The following IFNLR1 variants were observed in gnomAD, a reference collection of about 807,000 sequenced individuals.
IFNLR1 encodes the protein CRF2-12.
IFNLR1 carries 28 observed loss-of-function variants against 52.5 expected under a neutral mutation model. That is an observed-to-expected ratio of 0.53 (90% CI 0.40 to 0.73). The LOEUF (loss-of-function observed/expected upper bound fraction) is 0.73, where lower values mean the gene tolerates loss of function less well. Ranked by LOEUF, IFNLR1 falls within the 30% of genes least tolerant of loss-of-function variation. The pLI is 0.00. For missense variants in IFNLR1, 623 were observed against 659.1 expected (o/e 0.95, Z 0.60); for synonymous variants, 276 against 274.9 (o/e 1.00, Z -0.04).
intron 4 of IFNLR1, among the ~76,000 whole-genome samples, chr1:24,160,278 G>A (rs531600489): frequency 3.9e-5 from 6 of 152,286 alleles, no homozygotes; most frequent in East Asian, 3.9e-4. Flanking sequence ...CTGGCCACGC[G>A]TGACTACTGA....
Position 24,159,738 on chromosome 1 carries a change from T to TTTTTTTTTTTTTGG in IFNLR1, c.511-106_511-105insCCAAAAAAAAAAAA, listed in dbSNP as rs1557642014. The TTTTTTTTTTTTTGG allele has an allele frequency of 3.1e-5, 18 of 581,546 alleles. No homozygotes were observed. In the Admixed American group the frequency reaches 5.7e-4, roughly 18 times the overall value. 36.0% of individuals were successfully genotyped at this position (581,546 alleles called of 1,614,324 possible). ...GACATGGTAGGGTGTTTTTTTTTTG[T>TTTTTTTTTTTTTGG]TTTTTTTTTTTGTTTTTTTGTAGGG... On this transcript the variant is annotated intron_variant, in intron 4 of 6. Coordinates refer to ENST00000327535, the MANE Select transcript of IFNLR1 (RefSeq NM_170743.4).
rs750809756 is a variant in IFNLR1 at position 24,187,277 on chromosome 1, G to T, written c.-29C>A. 8.0e-7 allele frequency: 1 copy of T among 1,257,350 alleles called. No individual in the cohort carries two copies. The highest frequency in any genetic ancestry group is 1.0e-6 in the Non-Finnish European group (1 of 997,944). The allele number at this position is 1,257,350 out of a possible 1,614,324, so 77.9% of individuals were successfully genotyped here. On this transcript the variant is annotated 5_prime_UTR_variant, in exon 1 of 7. Coordinates refer to ENST00000327535, the MANE Select transcript of IFNLR1 (RefSeq NM_170743.4). The stretch of plus-strand genomic sequence containing the variant: ...CTTCCTGCCGCGGCGTCCCCGCCCG[G>T]GCCCAGGTCCCCGCCTCCCGCCTCC...
At chr1:24,180,899 T>C (rs1246544586) in intron 1 of IFNLR1, 45 bp from the exon 2 acceptor site, 9 of 1,596,690 alleles carry the variant, frequency 5.6e-6, no homozygotes, top group Admixed American at 3.4e-5. Context: ...TCCTGGCTGG[T>C]CTTGACTCAG....
chr1:24,160,539 G>A (rs932084875), intron 4 of IFNLR1, among the ~76,000 whole-genome samples: 3 of 152,002 alleles, frequency 2.0e-5, no homozygotes, highest in Non-Finnish European at 4.4e-5. Flanking sequence ...CTTTCTATTG[G>A]GCAGTGCTGG....
chr1:24,162,220 TG>T (rs1644452001), intron 3 of IFNLR1, among the ~76,000 whole-genome samples: 1 of 152,220 alleles, frequency 6.6e-6, no homozygotes, highest in Non-Finnish European at 1.5e-5. Context: ...TCTTTGTGGC[TG>T]TAGGGCTGTG....
At chr1:24,180,885 G>A (rs1644683942) in intron 1 of IFNLR1, 31 bp from the exon 2 acceptor site, 1 of 1,606,824 alleles carries the variant, frequency 6.2e-7, no homozygotes, top group South Asian at 1.1e-5. Flanking sequence ...ATGAAGCCTG[G>A]AGCTCCTGGC....
In IFNLR1 at chr1:24,157,703, A is replaced by G. The variant is rs1451283853; in HGVS notation, c.990T>C (p.Asp330=). ...KDLAEDEEEE[D]EEDTEDGVSF... The stretch of plus-strand genomic sequence containing the variant: ...TGACGCCATCTTCTGTGTCCTCCTC[A>G]TCCTCCTCCTCTTCGTCCTCTGCAA... The change falls in exon 7 of 7, where the codon GAT becomes GAC. Residue 330 remains aspartate, a synonymous_variant. Transcript: ENST00000327535. The surrounding 1 kb of genome is among the most constrained non-coding windows in gnomAD (Gnocchi z 5.1). The G allele has an allele frequency of 1.9e-6, 3 of 1,613,890 alleles. No individual in the cohort carries two copies. Among genetic ancestry groups the G allele is most frequent in the Non-Finnish European group, 2.5e-6 (3 of 1,179,930 alleles).
At chr1:24,161,216 C>T (rs1443295409) in intron 4 of IFNLR1, among the ~76,000 whole-genome samples, 1 of 152,228 alleles carries the variant, frequency 6.6e-6, no homozygotes. Context: ...CAGCTATACA[C>T]ACATGCATAC....
At chr1:24,184,899 A>G (rs1569709282) in intron 1 of IFNLR1, among the ~76,000 whole-genome samples, 1 of 152,130 alleles carries the variant, frequency 6.6e-6, no homozygotes, top group Non-Finnish European at 1.5e-5. Context: ...CACGCCTGTC[A>G]TCTCAGCTAC....
At position 24,156,977 on chromosome 1, in the gene IFNLR1, G is replaced by T; in HGVS notation, c.*153C>A. The T allele has an allele frequency of 1.2e-6, 1 of 810,026 alleles. No homozygotes were observed. The highest frequency in any genetic ancestry group is 2.0e-6 in the Non-Finnish European group (1 of 511,906). The allele number at this position is 810,026 out of a possible 1,614,324, so 50.2% of individuals were successfully genotyped here. Reference sequence around the variant, plus strand: ...GGAGGGGCATCTTGTTGCTCAGCCCGACAGGCAAACAGCCGCTAGGTGGAC... The same window carrying T: ...GGAGGGGCATCTTGTTGCTCAGCCCTACAGGCAAACAGCCGCTAGGTGGAC... On this transcript the variant is annotated 3_prime_UTR_variant, in exon 7 of 7. Transcript: ENST00000327535.
intron 2 of IFNLR1, among the ~76,000 whole-genome samples, chr1:24,178,302 C>T (rs767123126): frequency 8.6e-5 from 13 of 151,784 alleles, no homozygotes; most frequent in Admixed American, 4.6e-4. Context: ...AAAGTATGTA[C>T]ATGTGTGTGT....
chr1:24,159,737 G>GTTTTTTTTT (rs79165037), intron 4 of IFNLR1, 104 bp from the exon 5 acceptor site: 1 of 360,986 alleles, frequency 2.8e-6, no homozygotes, highest in Non-Finnish European at 4.2e-6. Context: ...TTTTTTTTTT[G>GTTTTTTTTT]TTTTTTTTTT....
chr1:24,157,103 A>T lies in IFNLR1; in HGVS notation c.*27T>A. 6.3e-7 allele frequency: 1 copy of T among 1,577,534 alleles called. No homozygotes were observed. Among genetic ancestry groups the T allele is most frequent in the Non-Finnish European group, 8.6e-7 (1 of 1,163,124 alleles). ...TCCTTGCAAAGGCAGCAGCAGCATC[A>T]GATTCGGTGGGATGTCGGGGGACAG... On this transcript the variant is annotated 3_prime_UTR_variant, in exon 7 of 7. Coordinates refer to ENST00000327535, the MANE Select transcript of IFNLR1 (RefSeq NM_170743.4). This position sits in a 1 kb window ranked among gnomAD's most constrained non-coding sequence, Gnocchi z 5.1.
Position 24,159,738 on chromosome 1 carries a change from T to G in IFNLR1, c.511-105A>C, listed in dbSNP as rs11804433. 2,022 of 581,414 alleles carry G rather than the reference T, an allele frequency of 3.5e-3. 29 individuals carry two copies. The African/African-American group carries it at 0.053, about 15-fold the overall frequency. The allele number at this position is 581,414 out of a possible 1,614,324, so 36.0% of individuals were successfully genotyped here. ...GACATGGTAGGGTGTTTTTTTTTTG[T>G]TTTTTTTTTTTGTTTTTTTGTAGGG... On this transcript the variant is annotated intron_variant, in intron 4 of 6. Coordinates refer to ENST00000327535, the MANE Select transcript of IFNLR1 (RefSeq NM_170743.4).
Position 24,156,995 on chromosome 1 carries a change from A to C in IFNLR1, c.*135T>G. ...TCAGCCCGACAGGCAAACAGCCGCT[A>C]GGTGGACTTCCCGGAAGTGCAATGC... On this transcript the variant is annotated 3_prime_UTR_variant, in exon 7 of 7. Transcript: ENST00000327535. 3 of 960,264 alleles carry C rather than the reference A, an allele frequency of 3.1e-6. No homozygotes were observed. The highest frequency in any genetic ancestry group is 3.2e-5 in the South Asian group (2 of 61,766). 59.5% of individuals were successfully genotyped at this position (960,264 alleles called of 1,614,324 possible). A position where few individuals can be genotyped will look rare whatever the true frequency, so the allele number is the denominator to read the frequency against.
At position 24,157,570 on chromosome 1, in the gene IFNLR1, C is replaced by T. The variant is rs1371298216; in HGVS notation, c.1123G>A (p.Val375Ile). ...VDSGRPRAPLVPSEGSSAWDS... is the reference protein window; with the variant it reads ...VDSGRPRAPLIPSEGSSAWDS... ...CAAGCAGAGGAGCCTTCGCTTGGGACCAGAGGAGCCCTGGGCCTCCCTGAG... is the reference window on the plus strand; with the variant it reads ...CAAGCAGAGGAGCCTTCGCTTGGGATCAGAGGAGCCCTGGGCCTCCCTGAG... Residue 375 changes from valine to isoleucine, a missense_variant, in exon 7 of 7, where the codon GTC (valine) becomes ATC (isoleucine). Transcript: ENST00000327535. The surrounding 1 kb of genome is among the most constrained non-coding windows in gnomAD (Gnocchi z 5.1). 7 of 1,611,982 alleles carry T rather than the reference C, an allele frequency of 4.3e-6. No homozygotes were observed. The highest frequency in any genetic ancestry group is 2.7e-5 in the African/African-American group (2 of 74,860).
rs777334063 is a variant in IFNLR1, at chr1:24,157,245, TC to T, written c.1447del (p.Glu483LysfsTer92). 42 of 1,614,116 alleles carry T rather than the reference TC, an allele frequency of 2.6e-5. No individual in the cohort carries two copies. Among genetic ancestry groups the T allele is most frequent in the Non-Finnish European group, 3.4e-5 (40 of 1,180,016 alleles). On this transcript the variant is annotated frameshift_variant, in exon 7 of 7. Transcript: ENST00000327535. LOFTEE classifies it high-confidence loss of function. The surrounding 1 kb of genome is among the most constrained non-coding windows in gnomAD (Gnocchi z 5.1). ...AATTTCTGATTCCCTCGCCTCCTCT[TC>T]CTCCTCAGGGCTGCTTTCCCAGCAG... is the stretch of plus-strand genomic sequence containing the variant. ...TFCWESSPEE[E>X]EEARESEIED...
chr1:24,161,138 T>G (rs1644438559), intron 4 of IFNLR1, among the ~76,000 whole-genome samples: 1 of 152,188 alleles, frequency 6.6e-6, no homozygotes, highest in Non-Finnish European at 1.5e-5. Context: ...ATACGGCCCA[T>G]GAAGCCAAAC....
chr1:24,187,148 G>A, intron 1 of IFNLR1, 43 bp downstream of exon 1: 19 of 1,289,624 alleles, frequency 1.5e-5, no homozygotes, highest in Non-Finnish European at 1.7e-5. Context: ...GCCCGGCCCG[G>A]GGAGCCCTCT....
Sources: allele counts gnomAD v4.1 joint callset (sites outside exome capture counted in the v4.1 genomes callset), GRCh38; gene constraint gnomAD v4.1.1; non-coding constraint Gnocchi (gnomAD v3.1); transcripts MANE v1.5; gene names NCBI Gene and HGNC (gene_info 2026-07-23, HGNC 2026-07-21).